Variants in PLA2G4A observed in about 807,000 individuals in gnomAD.
PLA2G4A encodes the protein phospholipase A2 group IVA.
Under a neutral mutation model 81.9 loss-of-function variants are expected in PLA2G4A, and 40 were observed. That is an observed-to-expected ratio of 0.49 (90% confidence interval 0.38 to 0.64). The LOEUF (loss-of-function observed/expected upper bound fraction) is 0.64, where lower values mean the gene tolerates loss of function less well. PLA2G4A is among the 30% of genes least tolerant of loss of function. The probability of loss-of-function intolerance (pLI) is 0.00; values close to 1 mark genes in which losing one functional copy is unlikely to be tolerated. For missense variants in PLA2G4A, 715 were observed against 905.1 expected, an observed-to-expected ratio of 0.79 and a Z score of 2.69; for synonymous variants, 302 against 296.9, an observed-to-expected ratio of 1.02 and a Z score of -0.18.
intron 7 of PLA2G4A, among the ~76,000 whole-genome samples, chr1:186,930,002 G>A (rs996576109): frequency 2.0e-5 from 3 of 152,004 alleles, no homozygotes; most frequent in Non-Finnish European, 4.4e-5. Context: ...GACCATCCTG[G>A]GCAACATGGC....
At chr1:186,914,412 G>A (rs1378267756) in intron 7 of PLA2G4A, among the ~76,000 whole-genome samples, 2 of 33,314 alleles carry the variant, frequency 6.0e-5, no homozygotes, top group Non-Finnish European at 9.6e-5. Flanking sequence ...CTCAGACACC[G>A]AGTTAAAGAA....
chr1:186,856,464 A>C (rs977910237), intron 2 of PLA2G4A, among the ~76,000 whole-genome samples: 5 of 149,974 alleles, frequency 3.3e-5, no homozygotes, highest in Non-Finnish European at 7.4e-5. Context: ...ATCAGAGCTC[A>C]CTGCAACTAC....
chr1:186,938,913 C>T, intron 8 of PLA2G4A, 95 bp from the exon 9 acceptor site: 1 of 754,204 alleles, frequency 1.3e-6, no homozygotes. Context: ...CCAAATATGT[C>T]CACCATGCTT....
intron 3 of PLA2G4A, among the ~76,000 whole-genome samples, chr1:186,892,487 G>A (rs1261127972): frequency 1.3e-5 from 2 of 152,080 alleles, no homozygotes; most frequent in Non-Finnish European, 2.9e-5. Context: ...CAAGAGATAG[G>A]AGTCTAGCTT....
chr1:186,964,054 T>C (rs1657047177), intron 14 of PLA2G4A, among the ~76,000 whole-genome samples: 2 of 152,220 alleles, frequency 1.3e-5, no homozygotes, highest in Non-Finnish European at 2.9e-5. Flanking sequence ...AACTAACATA[T>C]ACTAGGTTCC....
At chr1:186,835,267 G>T (rs1358094934) in intron 1 of PLA2G4A, among the ~76,000 whole-genome samples, 1 of 152,158 alleles carries the variant, frequency 6.6e-6, no homozygotes, top group Non-Finnish European at 1.5e-5. Flanking sequence ...AAGTATTTTT[G>T]CAGAATTCTT....
intron 7 of PLA2G4A, among the ~76,000 whole-genome samples, chr1:186,926,033 A>G (rs1185274714): frequency 1.3e-5 from 2 of 152,228 alleles, no homozygotes; most frequent in African/African-American, 4.8e-5. Context: ...CAGGAACACG[A>G]GTATCAGGTT....
At chr1:186,830,953 GCTTGCTTTCTTT>G (rs1457322353) in intron 1 of PLA2G4A, among the ~76,000 whole-genome samples, 3,100 of 46,654 alleles carry the variant, frequency 0.066, 40 homozygotes, top group Non-Finnish European at 0.072. Context: ...TTGCTTGCTT[GCTTGCTTTCTTT>G]CTTTCTTTCT....
chr1:186,906,998 G>GT lies in PLA2G4A; in HGVS notation c.415dup (p.Cys139LeufsTer9), dbSNP rs765960604. The GT allele has an allele frequency of 5.4e-6, 8 of 1,487,848 alleles. No homozygotes were observed. 92.2% of individuals were successfully genotyped at this position (1,487,848 alleles called of 1,614,324 possible). ...AATGGTTCTAGAAATGTCTCTTGAA[G>GT]TTTGGTAAGTGCATTTATTTAGTTG... On this transcript the variant is annotated frameshift_variant, in exon 6 of 18. Coordinates refer to ENST00000367466, the MANE Select transcript of PLA2G4A (RefSeq NM_024420.3). LOFTEE classifies it high-confidence loss of function.
At chr1:186,985,412 A>C (rs1657861603) in intron 17 of PLA2G4A, among the ~76,000 whole-genome samples, 1 of 152,190 alleles carries the variant, frequency 6.6e-6, no homozygotes, top group Non-Finnish European at 1.5e-5. Context: ...TTCAGTTTTT[A>C]TTGAAAAGGC....
chr1:186,946,903 C>T lies in PLA2G4A; in HGVS notation c.1206C>T (p.Asn402=), dbSNP rs369777461. The change falls in exon 12 of 18, where the codon AAC becomes AAT. Residue 402 remains asparagine, a synonymous_variant. Transcript: ENST00000367466. ...VWGSAFSILF[N]RVLGVSGSQS... Reference sequence around the variant, plus strand: ...GCAGTGCCTTTTCCATATTGTTCAACAGAGTTTTGGGCGTTTCTGGTTCAC... The same window carrying T: ...GCAGTGCCTTTTCCATATTGTTCAATAGAGTTTTGGGCGTTTCTGGTTCAC... 6.2e-7 allele frequency: 1 copy of T among 1,612,464 alleles called. No individual in the cohort carries two copies. The highest frequency in any genetic ancestry group is 1.3e-5 in the African/African-American group (1 of 74,832).
At chr1:186,897,635 A>C (rs1028460919) in intron 5 of PLA2G4A, among the ~76,000 whole-genome samples, 1 of 151,916 alleles carries the variant, frequency 6.6e-6, no homozygotes, top group South Asian at 2.1e-4. Context: ...CAGCCTCCCA[A>C]GTAGCTGAGA....
chr1:186,918,095 G>A (rs1163686103), intron 7 of PLA2G4A, among the ~76,000 whole-genome samples: 1 of 152,152 alleles, frequency 6.6e-6, no homozygotes, highest in Non-Finnish European at 1.5e-5. Context: ...CTGTCTGGGT[G>A]GAAGAAGTCT....
intron 6 of PLA2G4A, among the ~76,000 whole-genome samples, chr1:186,909,655 C>A (rs1424170894): frequency 1.5e-5 from 1 of 67,800 alleles, no homozygotes; most frequent in Non-Finnish European, 2.7e-5. Flanking sequence ...AGCGAAACTC[C>A]GTCTCAAAAA....
intron 7 of PLA2G4A, among the ~76,000 whole-genome samples, chr1:186,926,747 C>A (rs891586943): frequency 6.6e-6 from 1 of 152,110 alleles, no homozygotes; most frequent in Non-Finnish European, 1.5e-5. Context: ...TACCTTTGTG[C>A]GTCACTTGTA....
intron 5 of PLA2G4A, among the ~76,000 whole-genome samples, chr1:186,898,184 TACTA>T (rs1654409788): frequency 1.3e-5 from 2 of 152,222 alleles, no homozygotes; most frequent in East Asian, 3.9e-4. Flanking sequence ...AATTTAAAGA[TACTA>T]ACTTGTAAAT....
intron 6 of PLA2G4A, among the ~76,000 whole-genome samples, chr1:186,908,968 C>CTTTTTTTTT (rs1201226836): frequency 1.3e-3 from 101 of 74,980 alleles, no homozygotes; most frequent in East Asian, 3.2e-3. Flanking sequence ...CTTTTCTTTT[C>CTTTTTTTTT]TTTTTTTTTT....
At chr1:186,832,098 A>T (rs1186020054) in intron 1 of PLA2G4A, among the ~76,000 whole-genome samples, 1 of 152,148 alleles carries the variant, frequency 6.6e-6, no homozygotes, top group African/African-American at 2.4e-5. Flanking sequence ...TCATCTGTAT[A>T]TAGGCTGTAC....
chr1:186,935,413 T>A (rs909115212), intron 8 of PLA2G4A, among the ~76,000 whole-genome samples: 15 of 151,276 alleles, frequency 9.9e-5, no homozygotes, highest in Admixed American at 2.0e-4. Context: ...TTTTTATTTT[T>A]TTTTTTTTCA....
Sources: gnomAD v4.1 joint callset for allele counts (sites outside exome capture counted in the v4.1 genomes callset) on GRCh38, gnomAD v4.1.1 for gene constraint, MANE v1.5 for transcripts, NCBI Gene and HGNC (gene_info 2026-07-23, HGNC 2026-07-21) for gene names.